Variants in CSMD3 observed in about 807,000 individuals in gnomAD.
The protein encoded by CSMD3 is CUB and sushi domain-containing protein 3.
A neutral mutation model predicts 435.2 loss-of-function variants in CSMD3; 177 were observed. The ratio of observed to expected loss-of-function variants is 0.41; its 90% CI spans 0.36 to 0.46. The LOEUF is 0.46. Among genes scored for constraint, CSMD3 ranks in the 20% least tolerant of loss-of-function variants. The pLI is 0.34. For missense variants in CSMD3, 4,265 were observed against 4,504.6 expected (o/e 0.95, Z 1.52); for synonymous variants, 1,656 against 1,520.5 (o/e 1.09, Z -2.07).
chr8:112,268,285 T>C (rs1343813119), intron 59 of CSMD3, among the ~76,000 whole-genome samples: 3 of 152,198 alleles, frequency 2.0e-5, no homozygotes, highest in African/African-American at 7.2e-5. Flanking sequence ...ACATAAATTA[T>C]TTGAAAGGTC....
chr8:112,740,579 A>T (rs755873614), intron 13 of CSMD3, among the ~76,000 whole-genome samples: 1 of 151,904 alleles, frequency 6.6e-6, no homozygotes, highest in Non-Finnish European at 1.5e-5. Flanking sequence ...CACTCTGTTA[A>T]ATTACAAAAA....
intron 32 of CSMD3, among the ~76,000 whole-genome samples, chr8:112,409,283 G>A (rs867191360): frequency 2.0e-5 from 3 of 151,882 alleles, no homozygotes; most frequent in Admixed American, 2.0e-4. Flanking sequence ...AAATATAAAT[G>A]AGCATAGCAT....
At chr8:112,378,220 A>G (rs1829133903) in intron 38 of CSMD3, among the ~76,000 whole-genome samples, 1 of 151,884 alleles carries the variant, frequency 6.6e-6, no homozygotes, top group Non-Finnish European at 1.5e-5. Flanking sequence ...GAGAATGAAA[A>G]TTAGTCAAGG....
At chr8:113,280,850 C>G (rs373951840) in intron 2 of CSMD3, among the ~76,000 whole-genome samples, 4 of 151,598 alleles carry the variant, frequency 2.6e-5, no homozygotes, top group Non-Finnish European at 4.4e-5. Context: ...TTTGATACAT[C>G]GTACCATTAT....
intron 5 of CSMD3, among the ~76,000 whole-genome samples, chr8:113,021,303 C>T (rs1303684095): frequency 6.6e-6 from 1 of 152,022 alleles, no homozygotes; most frequent in African/African-American, 2.4e-5. Context: ...GTTATGTTTA[C>T]TCTTGTTGAT....
At chr8:112,331,605 A>C (rs1824069055) in intron 45 of CSMD3, among the ~76,000 whole-genome samples, 1 of 151,792 alleles carries the variant, frequency 6.6e-6, no homozygotes, top group Non-Finnish European at 1.5e-5. Context: ...AAATATATCA[A>C]CAAATAAAAC....
At chr8:112,708,647 CT>C (rs34676109) in intron 13 of CSMD3, among the ~76,000 whole-genome samples, 305 of 110,498 alleles carry the variant, frequency 2.8e-3, no homozygotes, top group Middle Eastern at 0.018. Flanking sequence ...GGTAATGCTT[CT>C]TTTTTTTTTT....
chr8:113,404,416 A>T (rs2129671636), intron 1 of CSMD3, among the ~76,000 whole-genome samples: 1 of 151,428 alleles, frequency 6.6e-6, no homozygotes, highest in South Asian at 2.1e-4. Flanking sequence ...GTTACAAGAG[A>T]ATTCGACTTT....
At chr8:112,981,798 T>C (rs2085063044) in intron 6 of CSMD3, among the ~76,000 whole-genome samples, 1 of 151,674 alleles carries the variant, frequency 6.6e-6, no homozygotes, top group Admixed American at 6.6e-5. Flanking sequence ...CAAGCAACCA[T>C]AAATACCTTT....
rs2092310886 is a variant in CSMD3, at chr8:113,174,012, T to C, written c.515-96A>G. Reference sequence around the variant, plus strand: ...ATTATATATGTAGATATGGATATTCTTATTTCTTTGGAGAAGAGTCACTGA... The same window carrying C: ...ATTATATATGTAGATATGGATATTCCTATTTCTTTGGAGAAGAGTCACTGA... On this transcript the variant is annotated intron_variant, in intron 3 of 70. Coordinates refer to ENST00000297405, the MANE Select transcript of CSMD3 (RefSeq NM_198123.2). The C allele has an allele frequency of 8.9e-6, 8 of 897,838 alleles. No homozygotes were observed. In the Admixed American group the frequency reaches 1.6e-4, roughly 18 times the overall value. The allele number at this position is 897,838 out of a possible 1,614,324, so 55.6% of individuals were successfully genotyped here. A position where few individuals can be genotyped will look rare whatever the true frequency, so the allele number is the denominator to read the frequency against.
intron 1 of CSMD3, among the ~76,000 whole-genome samples, chr8:113,315,087 C>A (rs1311533245): frequency 6.6e-6 from 1 of 152,112 alleles, no homozygotes; most frequent in African/African-American, 2.4e-5. Flanking sequence ...TTCCTATAGA[C>A]AAACACAATC....
chr8:112,889,841 G>C (rs757709490), intron 10 of CSMD3, among the ~76,000 whole-genome samples: 2 of 151,490 alleles, frequency 1.3e-5, no homozygotes, highest in African/African-American at 2.4e-5. Context: ...CTCCAGACTT[G>C]TAAGACAATA....
chr8:113,359,603 T>C (rs1219901879), intron 1 of CSMD3, among the ~76,000 whole-genome samples: 2 of 152,220 alleles, frequency 1.3e-5, no homozygotes, highest in Non-Finnish European at 2.9e-5. Context: ...AACATTCTTC[T>C]AGCCATTGGC....
intron 23 of CSMD3, among the ~76,000 whole-genome samples, chr8:112,583,861 A>C (rs1197857976): frequency 6.6e-6 from 1 of 151,862 alleles, no homozygotes; most frequent in Non-Finnish European, 1.5e-5. Context: ...GATGCAGTGA[A>C]ATTTCCTTTC....
intron 27 of CSMD3, among the ~76,000 whole-genome samples, chr8:112,534,229 C>T (rs2131091081): frequency 6.6e-6 from 1 of 152,092 alleles, no homozygotes; most frequent in South Asian, 2.1e-4. Context: ...ATTAATGAAT[C>T]CAGGAGCTGG....
At chr8:112,702,274 T>C (rs989548457) in intron 13 of CSMD3, among the ~76,000 whole-genome samples, 8 of 152,090 alleles carry the variant, frequency 5.3e-5, no homozygotes, top group African/African-American at 1.4e-4. Context: ...TTCCAGGATA[T>C]GAGTTCTTAA....
At chr8:113,389,828 T>A (rs538275590) in intron 1 of CSMD3, among the ~76,000 whole-genome samples, 1 of 151,906 alleles carries the variant, frequency 6.6e-6, no homozygotes, top group East Asian at 1.9e-4. Flanking sequence ...GGACAAATGA[T>A]TACCCTTCCC....
intron 1 of CSMD3, among the ~76,000 whole-genome samples, chr8:113,329,405 A>C (rs1181202681): frequency 6.6e-6 from 1 of 152,146 alleles, no homozygotes; most frequent in Admixed American, 6.5e-5. Context: ...ATGAAGAAGA[A>C]TCAGTAAACT....
rs559279660 is a variant in CSMD3, at chr8:112,784,405, T to G, written c.1972+15757A>C. On this transcript the variant is annotated intron_variant, in intron 13 of 70. Coordinates refer to ENST00000297405, the MANE Select transcript of CSMD3 (RefSeq NM_198123.2). The stretch of plus-strand genomic sequence containing the variant: ...AGCAAGAGCAAACCAAACCTAAAAT[T>G]CGTAGAAACAATAGAGATCAGAGCA... 4.0e-5 allele frequency among the ~76,000 whole-genome samples: 6 copies of G among 151,344 alleles called. No individual in the cohort carries two copies. The East Asian group carries it at 7.8e-4, about 20-fold the overall frequency.
Sources: gnomAD v4.1 joint callset for allele counts (sites outside exome capture counted in the v4.1 genomes callset) on GRCh38, gnomAD v4.1.1 for gene constraint, MANE v1.5 for transcripts, NCBI Gene and HGNC (gene_info 2026-07-23, HGNC 2026-07-21) for gene names.